NCKAP5: variants seen among roughly 807,000 people sequenced by gnomAD.
NCKAP5 encodes nck-associated protein 5.
In NCKAP5, 92 loss-of-function variants were observed where a neutral mutation model predicts 167.0. The ratio of observed to expected loss-of-function variants is 0.55; its 90% CI spans 0.47 to 0.66. The LOEUF (loss-of-function observed/expected upper bound fraction) is 0.66. NCKAP5 is among the 30% of genes least tolerant of loss of function. The probability of loss-of-function intolerance (pLI) is 0.00; values close to 1 mark genes in which losing one functional copy is unlikely to be tolerated. For missense variants in NCKAP5, 2,378 were observed against 2,315.0 expected, an observed-to-expected ratio of 1.03 and a Z score of -0.56; for synonymous variants, 891 against 877.4, an observed-to-expected ratio of 1.02 and a Z score of -0.27.
At chr2:133,424,204 G>C (rs1042038886) in intron 3 of NCKAP5, among the ~76,000 whole-genome samples, 3 of 152,080 alleles carry the variant, frequency 2.0e-5, no homozygotes, top group African/African-American at 7.2e-5. Context: ...CATAGTTATA[G>C]GGTTAAGACC....
chr2:132,871,626 C>A (rs1019563529), intron 9 of NCKAP5, among the ~76,000 whole-genome samples: 1 of 152,180 alleles, frequency 6.6e-6, no homozygotes, highest in African/African-American at 2.4e-5. Flanking sequence ...ATCTCACAAT[C>A]CAAGCAGTTG....
At chr2:133,389,050 C>G (rs1687211521) in intron 3 of NCKAP5, among the ~76,000 whole-genome samples, 1 of 152,212 alleles carries the variant, frequency 6.6e-6, no homozygotes, top group Admixed American at 6.5e-5. Context: ...GTCCTGCACC[C>G]ACTGTCCGAC....
chr2:133,602,823 G>A, the NCKAP5 span, among the ~76,000 whole-genome samples: 5,126 of 152,286 alleles, frequency 0.034, 165 homozygotes, highest in East Asian at 0.18. Flanking sequence ...GACGGAAAGG[G>A]CCTGGTGACT....
At chr2:133,069,404 C>T (rs972532923) in intron 6 of NCKAP5, among the ~76,000 whole-genome samples, 1 of 152,206 alleles carries the variant, frequency 6.6e-6, no homozygotes, top group African/African-American at 2.4e-5. Flanking sequence ...GAGATCCCTA[C>T]TAAAAGAGAT....
chr2:132,882,757 CAAAAGTT>C (rs1306130268), intron 8 of NCKAP5, among the ~76,000 whole-genome samples: 1 of 152,096 alleles, frequency 6.6e-6, no homozygotes, highest in Non-Finnish European at 1.5e-5. Context: ...AACAAGAATC[CAAAAGTT>C]AAAACTATAT....
intron 4 of NCKAP5, among the ~76,000 whole-genome samples, chr2:133,251,746 TAAAAAG>T (rs929824329): frequency 3.7e-4 from 57 of 152,054 alleles, no homozygotes; most frequent in African/African-American, 1.3e-3. Flanking sequence ...TTCATACAAA[TAAAAAG>T]AAAAAGAAAA....
chr2:133,304,064 A>G (rs2150575323), intron 3 of NCKAP5, among the ~76,000 whole-genome samples: 1 of 152,322 alleles, frequency 6.6e-6, no homozygotes, highest in South Asian at 2.1e-4. Flanking sequence ...CACCCAAGAA[A>G]GCTAGAGTTC....
chr2:133,589,439 A>T, the NCKAP5 span, among the ~76,000 whole-genome samples: 915 of 152,228 alleles, frequency 6.0e-3, 29 homozygotes, highest in Admixed American at 0.053. Flanking sequence ...ATAAGTCAGG[A>T]TGGGATACCT....
chr2:133,031,208 T>TA (rs2078867943), intron 6 of NCKAP5, among the ~76,000 whole-genome samples: 1 of 152,148 alleles, frequency 6.6e-6, no homozygotes, highest in Non-Finnish European at 1.5e-5. Context: ...AGAGATTTTT[T>TA]TAAAAATCCT....
chr2:132,868,929 G>A lies in NCKAP5; in HGVS notation c.687+7C>T, dbSNP rs1224023380. 2.6e-6 allele frequency: 4 copies of A among 1,543,606 alleles called. No homozygotes were observed. Among genetic ancestry groups the A allele is most frequent in the Non-Finnish European group, 3.5e-6 (4 of 1,145,054 alleles). Reference sequence around the variant, plus strand: ...CTTGAAAAGAACAAAGTCAGAAAGTGACCTACCTTTTGAGTAAGCAGAGCT... The same window carrying A: ...CTTGAAAAGAACAAAGTCAGAAAGTAACCTACCTTTTGAGTAAGCAGAGCT... On this transcript the variant is annotated splice_region_variant and intron_variant, in intron 10 of 19. Transcript: ENST00000409261.
chr2:133,120,710 C>T (rs1469528268), intron 6 of NCKAP5, among the ~76,000 whole-genome samples: 1 of 152,074 alleles, frequency 6.6e-6, no homozygotes, highest in Non-Finnish European at 1.5e-5. Context: ...TCACAGAAGC[C>T]CAGAGATGAG....
intron 3 of NCKAP5, among the ~76,000 whole-genome samples, chr2:133,429,336 T>G (rs1280525892): frequency 6.6e-6 from 1 of 152,150 alleles, no homozygotes; most frequent in Non-Finnish European, 1.5e-5. Flanking sequence ...ATGCAGTACA[T>G]GTGCAGGTTT....
At chr2:133,255,543 A>G (rs1376850006) in intron 4 of NCKAP5, among the ~76,000 whole-genome samples, 2 of 152,176 alleles carry the variant, frequency 1.3e-5, no homozygotes, top group Non-Finnish European at 2.9e-5. Context: ...TACAGTCCTG[A>G]CACAGACAAA....
chr2:133,323,147 C>G (rs58035542), intron 3 of NCKAP5, among the ~76,000 whole-genome samples: 30,355 of 151,942 alleles, frequency 0.2, 3,043 homozygotes, highest in African/African-American at 0.21. Flanking sequence ...TCCAAGTTTG[C>G]CTAAAAGTAG....
At chr2:133,626,949 G>A in the NCKAP5 span, among the ~76,000 whole-genome samples, 8 of 151,764 alleles carry the variant, frequency 5.3e-5, no homozygotes, top group East Asian at 1.9e-4. Context: ...ATAAATTTCC[G>A]GTGAACAAAA....
intron 3 of NCKAP5, among the ~76,000 whole-genome samples, chr2:133,372,221 A>T (rs1424261199): frequency 1.3e-5 from 2 of 152,180 alleles, no homozygotes; most frequent in Non-Finnish European, 2.9e-5. Flanking sequence ...GACGGTGGTG[A>T]TGGAAAACTA....
intron 8 of NCKAP5, among the ~76,000 whole-genome samples, chr2:132,906,802 T>C (rs142221176): frequency 1.3e-5 from 2 of 152,170 alleles, no homozygotes; most frequent in African/African-American, 2.4e-5. Context: ...GAGCACTGAT[T>C]TGATGATGGA....
chr2:133,590,563 C>T, the NCKAP5 span, among the ~76,000 whole-genome samples: 1 of 148,632 alleles, frequency 6.7e-6, no homozygotes, highest in Non-Finnish European at 1.5e-5. Context: ...GTGAGGTTGA[C>T]TGTGGGTGCA....
At chr2:132,928,983 A>C (rs188758123) in intron 8 of NCKAP5, among the ~76,000 whole-genome samples, 1 of 150,350 alleles carries the variant, frequency 6.7e-6, no homozygotes, top group Non-Finnish European at 1.5e-5. Context: ...ACAAAACAAA[A>C]CAAAACAAAA....
Sources: gnomAD v4.1 joint callset for allele counts (sites outside exome capture counted in the v4.1 genomes callset) on GRCh38, gnomAD v4.1.1 for gene constraint, MANE v1.5 for transcripts, NCBI Gene and HGNC (gene_info 2026-07-23, HGNC 2026-07-21) for gene names.